ZNF696: variants seen among roughly 807,000 people sequenced by gnomAD.
ZNF696 encodes the protein zinc finger protein 696.
Under a neutral mutation model 12.3 loss-of-function variants are expected in ZNF696, and 10 were observed. That is an observed-to-expected ratio of 0.81 (90% CI 0.50 to 1.38). ZNF696 has a LOEUF of 1.38. Among genes scored for constraint, ZNF696 ranks in the 40% most tolerant of loss-of-function variants. The probability of loss-of-function intolerance (pLI) is 0.00; values close to 1 mark genes in which losing one functional copy is unlikely to be tolerated. For missense variants in ZNF696, 675 were observed against 554.7 expected, an observed-to-expected ratio of 1.22 and a Z score of -2.18; for synonymous variants, 304 against 243.9, an observed-to-expected ratio of 1.25 and a Z score of -2.29.
rs117748098 is a variant in ZNF696 at position 143,298,838 on chromosome 8, C to G, written c.*2038C>G. On this transcript the variant is annotated 3_prime_UTR_variant, in exon 3 of 3. Transcript: ENST00000330143. Reference sequence around the variant, plus strand: ...CTTTGGGAGGCCTAAGGGGGAGGATCACTTGAGCCTAGGAGTTCAAGACCA... The same window carrying G: ...CTTTGGGAGGCCTAAGGGGGAGGATGACTTGAGCCTAGGAGTTCAAGACCA... Among the ~76,000 whole-genome samples the G allele has an allele frequency of 1.3e-5, 2 of 152,264 alleles. No homozygotes were observed. Among genetic ancestry groups the G allele is most frequent in the East Asian group, 3.9e-4 (2 of 5,184 alleles).
chr8:143,295,888 T>G lies in ZNF696; in HGVS notation c.213T>G (p.Leu71=). Residue 71 remains leucine (L), a synonymous_variant, in exon 3 of 3, where the codon CTT becomes CTG. Transcript: ENST00000330143. ...RGGPPRALGS[L]GLCENQEARE... The stretch of plus-strand genomic sequence containing the variant: ...GGCCTCCCCGGGCGTTGGGGTCTCT[T>G]GGCCTTTGTGAAAACCAGGAAGCCA... 1 of 1,565,578 alleles carries G rather than the reference T, an allele frequency of 6.4e-7. No homozygotes were observed. Among genetic ancestry groups the G allele is most frequent in the Middle Eastern group, 1.7e-4 (1 of 5,870 alleles).
chr8:143,293,094 A>G, intron 2 of ZNF696, 29 bp downstream of exon 2: 1 of 1,584,242 alleles, frequency 6.3e-7, no homozygotes, highest in Non-Finnish European at 8.7e-7. Context: ...AGTCGGGCCC[A>G]GAGTTCCAGG....
chr8:143,293,304 C>T (rs995818609), intron 2 of ZNF696: 6 of 578,308 alleles, frequency 1.0e-5, no homozygotes, highest in Admixed American at 3.3e-5. Flanking sequence ...GGCTCTGCCT[C>T]TGGGAAGGTC....
intron 2 of ZNF696, among the ~76,000 whole-genome samples, chr8:143,294,092 CTCCTGCTGCCCCTCCTGGCTGAG>C (rs1815669078): frequency 6.6e-6 from 1 of 152,266 alleles, no homozygotes; most frequent in East Asian, 1.9e-4. Flanking sequence ...GGCCCCCCTC[CTCCTGCTGCCCCTCCTGGCTGAG>C]TCCTCCTGCC....
At position 143,295,929 on chromosome 8, in the gene ZNF696, G is replaced by T. The variant is rs373143641; in HGVS notation, c.254G>T (p.Gly85Val). Reference protein sequence around the residue: ...ENQEARERPGGSPRGPVTSEK... With the variant: ...ENQEARERPGVSPRGPVTSEK... ...CAGGAAGCCAGAGAGAGGCCCGGAG[G>T]TTCCCCTCGAGGCCCGGTCACTTCT... The change falls in exon 3 of 3, where the codon GGT becomes GTT. Residue 85 changes from glycine (G) to valine (V), a missense_variant. Transcript: ENST00000330143. The T allele has an allele frequency of 8.3e-6, 13 of 1,561,818 alleles. No individual in the cohort carries two copies. The highest frequency in any genetic ancestry group is 4.1e-5 in the African/African-American group (3 of 73,524).
rs770472813 is a variant in ZNF696 at position 143,295,840 on chromosome 8, C to T, written c.165C>T (p.Pro55=). Reference sequence around the variant, plus strand: ...AGCCTGCCGCAGAGGCAGGCGCTCCCGAGGGAGAGGGCCACAGAGGGGGGC... The same window carrying T: ...AGCCTGCCGCAGAGGCAGGCGCTCCTGAGGGAGAGGGCCACAGAGGGGGGC... ...STEPAAEAGA[P]EGEGHRGGPP... The change falls in exon 3 of 3, where the codon CCC becomes CCT. Residue 55 remains proline (P), a synonymous_variant. Coordinates refer to ENST00000330143, the MANE Select transcript of ZNF696 (RefSeq NM_030895.3). 5 of 1,586,998 alleles carry T rather than the reference C, an allele frequency of 3.2e-6. No individual in the cohort carries two copies. The highest frequency in any genetic ancestry group is 4.3e-6 in the Non-Finnish European group (5 of 1,166,992).
rs1586738978 is a variant in ZNF696 at position 143,297,030 on chromosome 8, G to A, written c.*230G>A. ...CCCGCGGGAGGCGATTCCCAGAGGC[G>A]GGGAGGTCTCAGGGGTCTGTCCCGG... is the stretch of plus-strand genomic sequence containing the variant. On this transcript the variant is annotated 3_prime_UTR_variant, in exon 3 of 3. Transcript: ENST00000330143. 11 of 456,002 alleles carry A rather than the reference G, an allele frequency of 2.4e-5. No individual in the cohort carries two copies. The East Asian group carries it at 4.2e-4, about 17-fold the overall frequency. The allele number at this position is 456,002 out of a possible 1,614,324, so 28.2% of individuals were successfully genotyped here.
rs1815767069 is a variant in ZNF696 at position 143,299,366 on chromosome 8, A to C, written c.*2566A>C. On this transcript the variant is annotated 3_prime_UTR_variant, in exon 3 of 3. Coordinates refer to ENST00000330143, the MANE Select transcript of ZNF696 (RefSeq NM_030895.3). ...GGTTGTTGGGAAGAGGGTGTAAGATAGTGTTTAATTTGACTTTGATAAGTT... is the reference window on the plus strand; with the variant it reads ...GGTTGTTGGGAAGAGGGTGTAAGATCGTGTTTAATTTGACTTTGATAAGTT... 6.6e-6 allele frequency among the ~76,000 whole-genome samples: 1 copy of C among 152,262 alleles called. No homozygotes were observed. The highest frequency in any genetic ancestry group is 6.5e-5 in the Admixed American group (1 of 15,288).
chr8:143,294,600 T>C (rs918982105), intron 2 of ZNF696, among the ~76,000 whole-genome samples: 1 of 151,998 alleles, frequency 6.6e-6, no homozygotes, highest in African/African-American at 2.4e-5. Flanking sequence ...TCTCTTGACC[T>C]CGTGAACTGC....
intron 2 of ZNF696, chr8:143,295,445 C>A: frequency 1.5e-6 from 1 of 650,822 alleles, no homozygotes; most frequent in Non-Finnish European, 2.8e-6. Flanking sequence ...CCTCCTGCCT[C>A]AGCCTCTGAA....
rs1317821851 is a variant in ZNF696 at position 143,298,733 on chromosome 8, T to G, written c.*1933T>G. ...GCTGTAGGGTACATACTGTCACGCA[T>G]GAATAGGCAGGACTCCTTAAAGAAC... On this transcript the variant is annotated 3_prime_UTR_variant, in exon 3 of 3. Transcript: ENST00000330143. Among the ~76,000 whole-genome samples the G allele has an allele frequency of 1.3e-5, 2 of 152,190 alleles. No individual in the cohort carries two copies. The highest frequency in any genetic ancestry group is 2.4e-5 in the African/African-American group (1 of 41,440).
At chr8:143,293,124 A>G in intron 2 of ZNF696, 59 bp downstream of exon 2, 1 of 1,395,936 alleles carries the variant, frequency 7.2e-7, no homozygotes, top group Non-Finnish European at 1.0e-6. Context: ...GAACAGGAAT[A>G]CAGGAAAAAC....
intron 2 of ZNF696, among the ~76,000 whole-genome samples, chr8:143,295,183 C>A (rs1815686912): frequency 6.6e-6 from 1 of 152,164 alleles, no homozygotes; most frequent in Non-Finnish European, 1.5e-5. Context: ...TCGCTCCCGT[C>A]CTGGCTTGCT....
intron 2 of ZNF696, chr8:143,295,237 GAGTA>G: frequency 2.4e-6 from 1 of 422,224 alleles, no homozygotes; most frequent in East Asian, 7.0e-5. Context: ...CTGTCCCGCA[GAGTA>G]AGGCAGTGCC....
Position 143,298,835 on chromosome 8 carries a change from G to A in ZNF696, c.*2035G>A, listed in dbSNP as rs1018889305. On this transcript the variant is annotated 3_prime_UTR_variant, in exon 3 of 3. Coordinates refer to ENST00000330143, the MANE Select transcript of ZNF696 (RefSeq NM_030895.3). ...ACACTTTGGGAGGCCTAAGGGGGAG[G>A]ATCACTTGAGCCTAGGAGTTCAAGA... Among the ~76,000 whole-genome samples the A allele has an allele frequency of 1.3e-5, 2 of 152,172 alleles. No individual in the cohort carries two copies. Among genetic ancestry groups the A allele is most frequent in the Admixed American group, 6.5e-5 (1 of 15,278 alleles).
At position 143,298,802 on chromosome 8, in the gene ZNF696, T is replaced by C. The variant is rs955842834; in HGVS notation, c.*2002T>C. Among the ~76,000 whole-genome samples, 5 of 152,194 alleles carry C rather than the reference T, an allele frequency of 3.3e-5. No individual in the cohort carries two copies. The highest frequency in any genetic ancestry group is 1.2e-4 in the African/African-American group (5 of 41,450). On this transcript the variant is annotated 3_prime_UTR_variant, in exon 3 of 3. Transcript: ENST00000330143. ...GGCCAGGTGCAGTGGTTCATGCCTA[T>C]AATCCCAACACTTTGGGAGGCCTAA...
In ZNF696 at chr8:143,298,644, A is replaced by C. The variant is rs930381668; in HGVS notation, c.*1844A>C. On this transcript the variant is annotated 3_prime_UTR_variant, in exon 3 of 3. Transcript: ENST00000330143. ...AAACGCAGATCCTGAAACTGTCATC[A>C]TACAGGTGAGAGGATAGTTATGTGT... is the stretch of plus-strand genomic sequence containing the variant. Among the ~76,000 whole-genome samples the C allele has an allele frequency of 4.6e-5, 7 of 152,256 alleles. No homozygotes were observed. The highest frequency in any genetic ancestry group is 1.4e-4 in the African/African-American group (6 of 41,474).
At chr8:143,294,079 GTT>G (rs1815668550) in intron 2 of ZNF696, among the ~76,000 whole-genome samples, 1 of 132,622 alleles carries the variant, frequency 7.5e-6, no homozygotes, top group Non-Finnish European at 1.6e-5. Flanking sequence ...TGCTGGCCTC[GTT>G]GGCCCCCCTC....
rs201673017 is a variant in ZNF696 at position 143,296,156 on chromosome 8, G to A, written c.481G>A (p.Ala161Thr). 1.9e-6 allele frequency: 3 copies of A among 1,608,942 alleles called. No individual in the cohort carries two copies. The highest frequency in any genetic ancestry group is 1.1e-5 in the South Asian group (1 of 90,880). The stretch of plus-strand genomic sequence containing the variant: ...GTACGAGTGCAGCGACTGCGGGAAG[G>A]CCTTCATCCACAGCTCGCACGTGGT... Reference protein sequence around the residue: ...KPYECSDCGKAFIHSSHVVRH... With the variant: ...KPYECSDCGKTFIHSSHVVRH... The change falls in exon 3 of 3, where the codon GCC (alanine) becomes ACC (threonine). Residue 161 changes from alanine (A) to threonine (T), a missense_variant. Coordinates refer to ENST00000330143, the MANE Select transcript of ZNF696 (RefSeq NM_030895.3).
Sources: allele counts gnomAD v4.1 joint callset (sites outside exome capture counted in the v4.1 genomes callset), GRCh38; gene constraint gnomAD v4.1.1; transcripts MANE v1.5; gene names NCBI Gene and HGNC (gene_info 2026-07-23, HGNC 2026-07-21).